RAB27B: variants seen among roughly 807,000 people sequenced by gnomAD.
RAB27B encodes the protein ras-related protein Rab-27B.
In RAB27B, 15 loss-of-function variants were observed where a neutral mutation model predicts 24.6. That is an observed-to-expected ratio of 0.61 (90% CI 0.41 to 0.94). RAB27B has a LOEUF of 0.94. Among genes scored for constraint, RAB27B ranks in the 40% least tolerant of loss-of-function variants. RAB27B has a pLI of 0.00. For synonymous variants in RAB27B, 105 were observed against 92.5 expected (o/e 1.14, Z -0.78); for missense variants, 261 against 266.8 (o/e 0.98, Z 0.15).
chr18:54,746,096 G>C, intron 2 of RAB27B, among the ~76,000 whole-genome samples: 1 of 152,238 alleles, frequency 6.6e-6, no homozygotes, highest in East Asian at 1.9e-4. Flanking sequence ...GCTTCAAGGA[G>C]ATGCAGGTGG....
intron 1 of RAB27B, among the ~76,000 whole-genome samples, chr18:54,846,176 A>G (rs969799696): frequency 6.6e-6 from 1 of 152,246 alleles, no homozygotes; most frequent in Non-Finnish European, 1.5e-5. Flanking sequence ...GAGAAGATAC[A>G]TAGATAAGTT....
At chr18:54,871,101 C>T (rs923463963) in intron 1 of RAB27B, among the ~76,000 whole-genome samples, 1 of 152,178 alleles carries the variant, frequency 6.6e-6, no homozygotes, top group African/African-American at 2.4e-5. Flanking sequence ...GCAATTTGAT[C>T]TGAAACCTTT....
intron 1 of RAB27B, among the ~76,000 whole-genome samples, chr18:54,841,584 A>G (rs1414256423): frequency 1.3e-5 from 2 of 152,218 alleles, no homozygotes; most frequent in Non-Finnish European, 2.9e-5. Context: ...AAGTATTAGT[A>G]ACTGATCAAC....
rs374899217 is a variant in RAB27B, at chr18:54,874,227, C to T, written c.-19-3340C>T. ...TCTCCTCTCCTCATGTCTAATTCCC[C>T]TCCACGCTATAAGGTTAAATGCAAA... On this transcript the variant is annotated intron_variant, in intron 1 of 5. Coordinates refer to ENST00000262094, the MANE Select transcript of RAB27B (RefSeq NM_004163.4). Among the ~76,000 whole-genome samples, 4 of 152,206 alleles carry T rather than the reference C, an allele frequency of 2.6e-5. No individual in the cohort carries two copies. The East Asian group carries it at 7.7e-4, about 29-fold the overall frequency.
chr18:54,806,287 C>G (rs1049160262), intron 2 of RAB27B, among the ~76,000 whole-genome samples: 2 of 151,964 alleles, frequency 1.3e-5, no homozygotes, highest in Non-Finnish European at 2.9e-5. Flanking sequence ...AACTGCCCTC[C>G]TCTTAGGGAG....
At chr18:54,786,319 C>T (rs941804138) in intron 2 of RAB27B, among the ~76,000 whole-genome samples, 2 of 152,158 alleles carry the variant, frequency 1.3e-5, no homozygotes, top group Non-Finnish European at 2.9e-5. Context: ...CCTCTCCAGA[C>T]CTGTTCTTAC....
At chr18:54,727,880 C>T (rs9807480) in intron 2 of RAB27B, among the ~76,000 whole-genome samples, 12,174 of 152,076 alleles carry the variant, frequency 0.08, 717 homozygotes, top group African/African-American at 0.15. Flanking sequence ...TGTTTTATTG[C>T]TTCATATGTG....
At chr18:54,727,765 T>G (rs1909585931) in intron 2 of RAB27B, among the ~76,000 whole-genome samples, 1 of 152,234 alleles carries the variant, frequency 6.6e-6, no homozygotes, top group Non-Finnish European at 1.5e-5. Flanking sequence ...CAGCATACCT[T>G]TGGATAAAAC....
chr18:54,876,490 G>A (rs1247542668), intron 1 of RAB27B, among the ~76,000 whole-genome samples: 2 of 152,104 alleles, frequency 1.3e-5, no homozygotes, highest in Non-Finnish European at 2.9e-5. Flanking sequence ...AATCTTCATA[G>A]GCCTTCCTTT....
intron 1 of RAB27B, among the ~76,000 whole-genome samples, chr18:54,841,482 G>A (rs565985137): frequency 2.2e-4 from 33 of 152,250 alleles, no homozygotes; most frequent in Non-Finnish European, 3.5e-4. Context: ...GAGGGTCCTC[G>A]AACCAATCCC....
At chr18:54,762,179 A>G (rs112751890) in intron 2 of RAB27B, among the ~76,000 whole-genome samples, 1 of 152,038 alleles carries the variant, frequency 6.6e-6, no homozygotes, top group Non-Finnish European at 1.5e-5. Context: ...ACTTCCGATA[A>G]TTCTGTAGTT....
intron 2 of RAB27B, chr18:54,744,703 A>G (rs577518608): frequency 6.5e-6 from 1 of 152,818 alleles, no homozygotes; most frequent in Admixed American, 6.5e-5. Flanking sequence ...GGTCCATATG[A>G]CATTATTCTG....
In RAB27B at chr18:54,779,959, G is replaced by A. The variant is rs73960627; in HGVS notation, c.-20+61818G>A. Among the ~76,000 whole-genome samples the A allele has an allele frequency of 4.9e-3, 643 of 132,208 alleles. 14 individuals carry two copies. The highest frequency in any genetic ancestry group is 0.018 in the African/African-American group (607 of 33,616). The allele number at this position is 132,208 out of a possible 152,430, so 86.7% of individuals were successfully genotyped here. On this transcript the variant is annotated intron_variant, in intron 2 of 4. Coordinates refer to the RAB27B transcript ENST00000586570. ...CTCACCATGTCCCCCCTCTCCTGAC[G>A]GCTTCCTCCTCACCGTGTCTCCCCT... is the stretch of plus-strand genomic sequence containing the variant.
intron 1 of RAB27B, among the ~76,000 whole-genome samples, chr18:54,873,388 A>T (rs894220393): frequency 6.6e-6 from 1 of 152,174 alleles, no homozygotes; most frequent in African/African-American, 2.4e-5. Context: ...ACTAAGTGAG[A>T]TGCATTTCCT....
At chr18:54,813,142 G>A (rs1032801512) in intron 2 of RAB27B, among the ~76,000 whole-genome samples, 6 of 152,110 alleles carry the variant, frequency 3.9e-5, no homozygotes, top group African/African-American at 1.4e-4. Context: ...CAGCGCTGAA[G>A]GGGTTTTCTT....
chr18:54,829,201 TG>T (rs1910582699), intron 1 of RAB27B, among the ~76,000 whole-genome samples: 1 of 152,192 alleles, frequency 6.6e-6, no homozygotes, highest in Admixed American at 6.5e-5. Context: ...TCCAATTTTT[TG>T]CTCTGTTACT....
intron 2 of RAB27B, among the ~76,000 whole-genome samples, chr18:54,763,901 G>C (rs1328471235): frequency 1.3e-5 from 2 of 152,046 alleles, no homozygotes; most frequent in Admixed American, 1.3e-4. Context: ...TTTTGCTAAG[G>C]GAAGAAGTAT....
chr18:54,858,530 C>T (rs1302470228), intron 1 of RAB27B, among the ~76,000 whole-genome samples: 1 of 150,324 alleles, frequency 6.7e-6, no homozygotes, highest in Non-Finnish European at 1.5e-5. Flanking sequence ...ACTACAGGTG[C>T]CTGCCAGTAC....
Position 54,884,455 on chromosome 18 carries a change from T to C in RAB27B, c.343+19T>C, listed in dbSNP as rs755322344. ...TGGATGAGTAAGTGGGACTGAGTAA[T>C]GTGCATTGGCCGCTTTGGGACTCAA... On this transcript the variant is annotated intron_variant, in intron 4 of 5. Coordinates refer to ENST00000262094, the MANE Select transcript of RAB27B (RefSeq NM_004163.4). The C allele has an allele frequency of 1.9e-6, 3 of 1,538,490 alleles. No individual in the cohort carries two copies. Among genetic ancestry groups the C allele is most frequent in the East Asian group, 4.5e-5 (2 of 44,384 alleles).
Sources: gnomAD v4.1 joint callset for allele counts (sites outside exome capture counted in the v4.1 genomes callset) on GRCh38, gnomAD v4.1.1 for gene constraint, MANE v1.5 for transcripts, NCBI Gene and HGNC (gene_info 2026-07-23, HGNC 2026-07-21) for gene names.